The following LRRTM4 variants were observed in gnomAD, a reference collection of about 807,000 sequenced individuals.
The protein encoded by LRRTM4 is leucine-rich repeat transmembrane neuronal protein 4.
Under a neutral mutation model 47.6 loss-of-function variants are expected in LRRTM4, and 25 were observed. The observed-to-expected ratio is 0.53, with a 90% CI of 0.38 to 0.73. LRRTM4 has a LOEUF of 0.73. Among genes scored for constraint, LRRTM4 ranks in the 30% least tolerant of loss-of-function variants. The pLI is 0.00. For synonymous variants in LRRTM4, 311 were observed against 269.5 expected, an observed-to-expected ratio of 1.15 and a Z score of -1.51; for missense variants, 638 against 713.4, an observed-to-expected ratio of 0.89 and a Z score of 1.20.
chr2:76,899,895 A>T (rs1182098171), intron 3 of LRRTM4, among the ~76,000 whole-genome samples: 1 of 152,146 alleles, frequency 6.6e-6, no homozygotes, highest in Non-Finnish European at 1.5e-5. Flanking sequence ...CATGACATCC[A>T]TACTTATACC....
At chr2:76,841,420 TATAATAATA>T (rs1292452775) in intron 3 of LRRTM4, among the ~76,000 whole-genome samples, 2 of 151,906 alleles carry the variant, frequency 1.3e-5, no homozygotes, top group Non-Finnish European at 2.9e-5. Flanking sequence ...AAACTTAAAG[TATAATAATA>T]ATAAAATTAA....
intron 3 of LRRTM4, among the ~76,000 whole-genome samples, chr2:77,021,721 C>G (rs909424960): frequency 2.6e-5 from 4 of 152,086 alleles, no homozygotes; most frequent in African/African-American, 9.7e-5. Flanking sequence ...TCCATAACAT[C>G]AAGAAAAACA....
intron 3 of LRRTM4, among the ~76,000 whole-genome samples, chr2:76,842,214 G>T (rs956787088): frequency 3.3e-5 from 5 of 152,236 alleles, no homozygotes; most frequent in Non-Finnish European, 7.4e-5. Flanking sequence ...TCAATCTTCT[G>T]CAGGCCTCGG....
intron 3 of LRRTM4, among the ~76,000 whole-genome samples, chr2:77,417,355 C>T (rs1674676021): frequency 6.6e-6 from 1 of 152,016 alleles, no homozygotes; most frequent in African/African-American, 2.4e-5. Flanking sequence ...GGATCTAGAA[C>T]TAGAAATACC....
In LRRTM4 at chr2:77,518,357, C is replaced by A. The variant is rs760468114; in HGVS notation, c.1512G>T (p.Gly504=). The change falls in exon 3 of 4, where the codon GGG becomes GGT. Residue 504 remains glycine (G), a synonymous_variant. Coordinates refer to ENST00000409884, the MANE Select transcript of LRRTM4 (RefSeq NM_001134745.3). The stretch of plus-strand genomic sequence containing the variant: ...AGCCAGAGATGGTATATGTGCAGGG[C>A]CCAGATCCATTAACCGATATATCCA... ...ETMDISVNGS[G]PCTYTISGSR... is the part of the protein sequence containing the mutation. 11 of 1,612,158 alleles carry A rather than the reference C, an allele frequency of 6.8e-6. No homozygotes were observed. Among genetic ancestry groups the A allele is most frequent in the Non-Finnish European group, 9.3e-6 (11 of 1,179,182 alleles).
chr2:77,177,418 G>A (rs796941858), intron 3 of LRRTM4, among the ~76,000 whole-genome samples: 2 of 152,138 alleles, frequency 1.3e-5, no homozygotes, highest in South Asian at 2.1e-4. Context: ...TCCAAAATGT[G>A]AGGAGGGAAT....
At chr2:76,781,610 G>T (rs921587848) in intron 3 of LRRTM4, among the ~76,000 whole-genome samples, 5 of 150,802 alleles carry the variant, frequency 3.3e-5, no homozygotes, top group African/African-American at 1.2e-4. Flanking sequence ...GCCCTGCTTC[G>T]GCTCGCGCAT....
intron 3 of LRRTM4, among the ~76,000 whole-genome samples, chr2:76,899,319 AC>A (rs1673537947): frequency 1.2e-5 from 1 of 81,788 alleles, no homozygotes; most frequent in South Asian, 5.2e-4. Context: ...AACCACACAC[AC>A]ACACACACAC....
At chr2:77,352,551 T>C (rs1671824682) in intron 3 of LRRTM4, among the ~76,000 whole-genome samples, 2 of 152,122 alleles carry the variant, frequency 1.3e-5, no homozygotes, top group Non-Finnish European at 2.9e-5. Flanking sequence ...GAAGTTCTCA[T>C]TGCTCCAGGT....
intron 3 of LRRTM4, among the ~76,000 whole-genome samples, chr2:76,761,344 G>C (rs1402812904): frequency 6.6e-6 from 1 of 152,066 alleles, no homozygotes; most frequent in African/African-American, 2.4e-5. Flanking sequence ...CTCTTCACTT[G>C]GCCCTATTTA....
At chr2:77,163,928 C>T (rs1049203247) in intron 3 of LRRTM4, among the ~76,000 whole-genome samples, 5 of 152,150 alleles carry the variant, frequency 3.3e-5, no homozygotes, top group Non-Finnish European at 7.3e-5. Context: ...CAGCTAACAT[C>T]ATAATGATAG....
chr2:77,172,693 T>C (rs142498762), intron 3 of LRRTM4, among the ~76,000 whole-genome samples: 122 of 150,738 alleles, frequency 8.1e-4, no homozygotes, highest in African/African-American at 2.6e-3. Flanking sequence ...ACAATGAAAA[T>C]ATGCTTACTC....
At chr2:76,836,534 T>C (rs1671519001) in intron 3 of LRRTM4, among the ~76,000 whole-genome samples, 2 of 151,892 alleles carry the variant, frequency 1.3e-5, no homozygotes, top group Admixed American at 6.6e-5. Context: ...CCATTTTTAG[T>C]TGTAAAGGCA....
intron 3 of LRRTM4, among the ~76,000 whole-genome samples, chr2:76,811,841 A>G (rs946177796): frequency 4.6e-5 from 7 of 152,202 alleles, no homozygotes; most frequent in African/African-American, 1.4e-4. Context: ...GCCTTCAAGT[A>G]GGAAGATTAG....
In LRRTM4 at chr2:76,896,328, G is replaced by C. The variant is rs956376131; in HGVS notation, c.1552-147412C>G. On this transcript the variant is annotated intron_variant, in intron 3 of 3. Transcript: ENST00000409884. ...AATAAACACTCAAACTGTGCAATCA[G>C]GGCCAAAAAGTAAAATAAGGTGAAA... Among the ~76,000 whole-genome samples the C allele has an allele frequency of 2.6e-5, 4 of 151,930 alleles. No individual in the cohort carries two copies. In the East Asian group the frequency reaches 5.8e-4, roughly 22 times the overall value.
At chr2:77,369,505 C>T (rs1672582519) in intron 3 of LRRTM4, among the ~76,000 whole-genome samples, 1 of 151,582 alleles carries the variant, frequency 6.6e-6, no homozygotes, top group South Asian at 2.1e-4. Context: ...TAGTTTATTG[C>T]ATTCGGGATT....
At chr2:76,873,391 A>G (rs1350764871) in intron 3 of LRRTM4, among the ~76,000 whole-genome samples, 1 of 151,110 alleles carries the variant, frequency 6.6e-6, no homozygotes, top group Admixed American at 6.6e-5. Context: ...TTATATAAAT[A>G]TATAGTCTGT....
intron 3 of LRRTM4, among the ~76,000 whole-genome samples, chr2:76,877,212 A>C (rs1370260139): frequency 6.6e-6 from 1 of 152,054 alleles, no homozygotes; most frequent in Non-Finnish European, 1.5e-5. Flanking sequence ...CATTTTCTTC[A>C]GTTTGAAGTG....
Position 77,321,594 on chromosome 2 carries a change from A to AAAG in LRRTM4, c.1551+196723_1551+196724insCTT, listed in dbSNP as rs1433334113. ...AAAGAAAAGAAAAGAAAAGAAAAGA[A>AAAG]AAAAGAAATGAATTGCCATGACTTA... On this transcript the variant is annotated intron_variant, in intron 3 of 3. Transcript: ENST00000409884. Among the ~76,000 whole-genome samples the AAAG allele has an allele frequency of 7.1e-3, 1,021 of 143,352 alleles. 20 individuals carry two copies. The highest frequency in any genetic ancestry group is 0.027 in the African/African-American group (979 of 35,884). The allele number at this position is 143,352 out of a possible 152,430, so 94.0% of individuals were successfully genotyped here.
Sources: allele counts gnomAD v4.1 joint callset (sites outside exome capture counted in the v4.1 genomes callset), GRCh38; gene constraint gnomAD v4.1.1; transcripts MANE v1.5; gene names NCBI Gene and HGNC (gene_info 2026-07-23, HGNC 2026-07-21).